Variants in AVL9 observed in about 807,000 individuals in gnomAD.
AVL9 encodes the protein late secretory pathway protein AVL9 homolog.
A neutral mutation model predicts 79.2 loss-of-function variants in AVL9; 49 were observed. That is an observed-to-expected ratio of 0.62 (90% CI 0.49 to 0.79). AVL9 has a LOEUF of 0.79. Ranked by LOEUF, AVL9 falls within the 30% of genes least tolerant of loss-of-function variation. The pLI is 0.00. For missense variants in AVL9, 682 were observed against 776.8 expected, an observed-to-expected ratio of 0.88 and a Z score of 1.45; for synonymous variants, 299 against 280.6, an observed-to-expected ratio of 1.07 and a Z score of -0.65.
chr7:32,503,574 A>AC (rs1057374781), intron 1 of AVL9, among the ~76,000 whole-genome samples: 4 of 150,136 alleles, frequency 2.7e-5, no homozygotes, highest in Non-Finnish European at 4.4e-5. Flanking sequence ...AAAAAAAAAA[A>AC]AACTAGATTT....
chr7:32,573,196 T>A lies in AVL9; in HGVS notation c.1351-3T>A. On this transcript the variant is annotated splice_region_variant and splice_polypyrimidine_tract_variant and intron_variant, in intron 11 of 15. Transcript: ENST00000318709. ...CTCTGACTTGTACCTGGATACCCTC[T>A]AGGTAGAAGAAGCTCTGATCCAGAT... 6.2e-7 allele frequency: 1 copy of A among 1,612,924 alleles called. No homozygotes were observed. The highest frequency in any genetic ancestry group is 1.7e-5 in the Admixed American group (1 of 59,952).
Position 32,580,905 on chromosome 7 carries a change from T to A in AVL9, c.1831+15T>A, listed in dbSNP as rs1371351573. The A allele has an allele frequency of 1.9e-6, 3 of 1,601,264 alleles. No homozygotes were observed. The Admixed American group carries it at 5.0e-5, about 27-fold the overall frequency. On this transcript the variant is annotated intron_variant, in intron 15 of 15. Transcript: ENST00000318709. ...AAAAGCTGTTGGTAAGACATGCCTTTAGCCAGGAACAAATTGGAATCACAA... is the reference window on the plus strand; with the variant it reads ...AAAAGCTGTTGGTAAGACATGCCTTAAGCCAGGAACAAATTGGAATCACAA...
chr7:32,551,819 A>T (rs964469048), intron 5 of AVL9, among the ~76,000 whole-genome samples: 4 of 152,170 alleles, frequency 2.6e-5, no homozygotes, highest in Non-Finnish European at 5.9e-5. Flanking sequence ...TTTTATTGAA[A>T]ATGGACAGCA....
Position 32,543,165 on chromosome 7 carries a change from A to G in AVL9, c.118A>G (p.Ile40Val). The G allele has an allele frequency of 6.2e-7, 1 of 1,614,148 alleles. No individual in the cohort carries two copies. Among genetic ancestry groups the G allele is most frequent in the East Asian group, 2.2e-5 (1 of 44,872 alleles). The change falls in exon 2 of 16, where the codon ATT becomes GTT. Residue 40 changes from isoleucine to valine, a missense_variant. Ile to Val is a conservative substitution (Grantham distance 29). Transcript: ENST00000318709. The stretch of plus-strand genomic sequence containing the variant: ...GGTTGAATTCTCTTACCCGCCCCTG[A>G]TTCCAGGAGATGGACATGACAGCCA... ...CQVEFSYPPL[I>V]PGDGHDSHTL...
chr7:32,544,619 G>T, intron 2 of AVL9, 75 bp from the exon 3 acceptor site: 1 of 1,006,906 alleles, frequency 9.9e-7, no homozygotes, highest in Non-Finnish European at 1.5e-6. Context: ...ACTGCATTAT[G>T]ATAGCTTCAG....
intron 12 of AVL9, 150 bp from the exon 13 acceptor site, chr7:32,575,805 C>T: frequency 3.4e-6 from 2 of 594,832 alleles, no homozygotes; most frequent in South Asian, 4.5e-5. Flanking sequence ...TGGAACTAGA[C>T]CCAAGTTTCC....
At chr7:32,570,899 G>T (rs1055832922) in intron 11 of AVL9, among the ~76,000 whole-genome samples, 2 of 146,388 alleles carry the variant, frequency 1.4e-5, no homozygotes, top group African/African-American at 5.0e-5. Flanking sequence ...GGGATTACAG[G>T]CGTAAGCCAC....
intron 1 of AVL9, among the ~76,000 whole-genome samples, chr7:32,507,335 T>G (rs568112573): frequency 2.6e-5 from 4 of 152,244 alleles, no homozygotes; most frequent in Non-Finnish European, 5.9e-5. Flanking sequence ...TTGATCACAA[T>G]TGTGTGTAAT....
At chr7:32,556,700 A>G (rs200730338) in intron 8 of AVL9, among the ~76,000 whole-genome samples, 2 of 152,200 alleles carry the variant, frequency 1.3e-5, no homozygotes, top group East Asian at 1.9e-4. Flanking sequence ...AAGGTGTACA[A>G]TTCAGTGCTA....
intron 13 of AVL9, 91 bp from the exon 14 acceptor site, chr7:32,580,128 A>G (rs1293427233): frequency 1.2e-5 from 12 of 1,024,604 alleles, no homozygotes; most frequent in Admixed American, 1.9e-5. Flanking sequence ...TGTGTTGTCC[A>G]TGAGAAGTTT....
rs995653809 is a variant in AVL9 at position 32,586,464 on chromosome 7, C to G, written c.*2557C>G. The stretch of plus-strand genomic sequence containing the variant: ...AAGCCTCACCCCTGGTCCTGTGACC[C>G]CCCCCCCCCACACACACACATACTT... On this transcript the variant is annotated 3_prime_UTR_variant, in exon 16 of 16. Coordinates refer to ENST00000318709, the MANE Select transcript of AVL9 (RefSeq NM_015060.3). 4.5e-5 allele frequency: 2 copies of G among 44,452 alleles called. No homozygotes were observed. The highest frequency in any genetic ancestry group is 4.0e-4 in the East Asian group (1 of 2,510). The allele number at this position is 44,452 out of a possible 1,614,324, so 2.8% of individuals were successfully genotyped here.
rs779090741 is a variant in AVL9, at chr7:32,559,410, C to T, written c.1161C>T (p.Leu387=). The part of the protein sequence containing the change: ...NTGQVVLIPG[L]ISGLEEDQYG... ...GACAGGTAGTCCTGATACCAGGGCTCATTTCGGGTTTGGAAGAGGATCAGT... is the reference window on the plus strand; with the variant it reads ...GACAGGTAGTCCTGATACCAGGGCTTATTTCGGGTTTGGAAGAGGATCAGT... The change falls in exon 10 of 16, where the codon CTC becomes CTT. Residue 387 remains leucine (L), a synonymous_variant. Transcript: ENST00000318709. The T allele has an allele frequency of 1.9e-6, 3 of 1,607,310 alleles. No homozygotes were observed. Among genetic ancestry groups the T allele is most frequent in the African/African-American group, 2.7e-5 (2 of 74,690 alleles).
At chr7:32,569,927 G>A (rs969493797) in intron 10 of AVL9, 93 bp from the exon 11 acceptor site, 4 of 1,237,230 alleles carry the variant, frequency 3.2e-6, no homozygotes, top group East Asian at 4.7e-5. Context: ...AGGAAGAATG[G>A]AAGTTTCTTT....
intron 3 of AVL9, among the ~76,000 whole-genome samples, chr7:32,546,878 G>T (rs866933274): frequency 6.6e-6 from 1 of 152,110 alleles, no homozygotes; most frequent in Non-Finnish European, 1.5e-5. Context: ...GTAAGAGTTT[G>T]CCTGACAGCT....
intron 1 of AVL9, among the ~76,000 whole-genome samples, chr7:32,506,934 T>A (rs1182762990): frequency 6.6e-6 from 1 of 150,918 alleles, no homozygotes; most frequent in Non-Finnish European, 1.5e-5. Context: ...AAGATCAATA[T>A]CCCTCATGAA....
chr7:32,509,740 A>G (rs946065669), intron 1 of AVL9, among the ~76,000 whole-genome samples: 1 of 151,994 alleles, frequency 6.6e-6, no homozygotes, highest in African/African-American at 2.4e-5. Flanking sequence ...AATCCCAGCT[A>G]CTCGGGAGGC....
At chr7:32,497,989 AGGGAAGATTCCTATACTT>A (rs904539572) in intron 1 of AVL9, among the ~76,000 whole-genome samples, 3 of 152,200 alleles carry the variant, frequency 2.0e-5, no homozygotes, top group Admixed American at 2.0e-4. Context: ...GATTGTGCAT[AGGGAAGATTCCTATACTT>A]GGTCGTAATT....
chr7:32,497,592 G>A (rs1265568713), intron 1 of AVL9, among the ~76,000 whole-genome samples: 1 of 151,748 alleles, frequency 6.6e-6, no homozygotes, highest in Middle Eastern at 3.2e-3. Flanking sequence ...ACTTGTGTGA[G>A]GGTACTTAGA....
intron 1 of AVL9, among the ~76,000 whole-genome samples, chr7:32,540,316 T>C (rs1789120792): frequency 6.6e-6 from 1 of 152,136 alleles, no homozygotes; most frequent in Non-Finnish European, 1.5e-5. Flanking sequence ...GAGTCAAAGG[T>C]GGTAAAAGAT....
Sources: gnomAD v4.1 joint callset for allele counts (sites outside exome capture counted in the v4.1 genomes callset) on GRCh38, gnomAD v4.1.1 for gene constraint, MANE v1.5 for transcripts, NCBI Gene and HGNC (gene_info 2026-07-23, HGNC 2026-07-21) for gene names.